Variants in FAM135B observed in about 807,000 individuals in gnomAD.
The protein encoded by FAM135B is family with sequence similarity 135 member B.
Under a neutral mutation model 127.7 loss-of-function variants are expected in FAM135B, and 43 were observed. That is an observed-to-expected ratio of 0.34 (90% CI 0.26 to 0.43). The LOEUF (loss-of-function observed/expected upper bound fraction) is 0.43. Among genes scored for constraint, FAM135B ranks in the 20% least tolerant of loss-of-function variants. FAM135B has a pLI of 1.00. For missense variants in FAM135B, 1,558 were observed against 1,725.6 expected (o/e 0.90, Z 1.72); for synonymous variants, 670 against 665.1 (o/e 1.01, Z -0.11).
chr8:138,333,537 G>A (rs1000551872), intron 2 of FAM135B, among the ~76,000 whole-genome samples: 7 of 151,992 alleles, frequency 4.6e-5, no homozygotes, highest in East Asian at 1.9e-4. Context: ...TCTAAGGGCC[G>A]GGGGCTCCCC....
intron 1 of FAM135B, among the ~76,000 whole-genome samples, chr8:138,478,860 T>C (rs940181862): frequency 6.6e-6 from 1 of 152,204 alleles, no homozygotes; most frequent in African/African-American, 2.4e-5. Context: ...TTTTGCACAC[T>C]GAGCAATTCT....
Position 138,337,937 on chromosome 8 carries a change from C to G in FAM135B, c.78-27017G>C, listed in dbSNP as rs536473628. On this transcript the variant is annotated intron_variant, in intron 2 of 19. Coordinates refer to ENST00000395297, the MANE Select transcript of FAM135B (RefSeq NM_015912.4). ...TATAGACCAATGGAACAGAAGAGAGCCCTCAGAAATAATGCCGCATATCTA... is the reference window on the plus strand; with the variant it reads ...TATAGACCAATGGAACAGAAGAGAGGCCTCAGAAATAATGCCGCATATCTA... Among the ~76,000 whole-genome samples, 13 of 151,820 alleles carry G rather than the reference C, an allele frequency of 8.6e-5. No individual in the cohort carries two copies. The South Asian group carries it at 2.7e-3, about 32-fold the overall frequency.
At chr8:138,425,340 C>T (rs1011521616) in intron 1 of FAM135B, 2 of 152,318 alleles carry the variant, frequency 1.3e-5, no homozygotes, top group African/African-American at 4.8e-5. Flanking sequence ...AGGACCAGAT[C>T]TCAAAGAGCA....
intron 12 of FAM135B, among the ~76,000 whole-genome samples, chr8:138,153,697 G>A (rs1433323461): frequency 6.6e-6 from 1 of 152,200 alleles, no homozygotes; most frequent in East Asian, 1.9e-4. Context: ...TGCTAGCACA[G>A]CAGTCTGAGA....
chr8:138,402,996 A>G (rs1258931278), intron 1 of FAM135B, among the ~76,000 whole-genome samples: 2 of 152,160 alleles, frequency 1.3e-5, no homozygotes, highest in Admixed American at 1.3e-4. Flanking sequence ...CAGCAAAAAG[A>G]CGGCCATCTG....
At chr8:138,248,060 T>C (rs1235425915) in intron 6 of FAM135B, among the ~76,000 whole-genome samples, 3 of 152,176 alleles carry the variant, frequency 2.0e-5, no homozygotes, top group Non-Finnish European at 2.9e-5. Flanking sequence ...GGGCTTGGAA[T>C]ATGGGAGGTG....
In FAM135B at chr8:138,130,031, A is replaced by C. The variant is rs909302708; in HGVS notation, c.*2562T>G. ...TAAACAACAAATTCCAATTAATCTCAATATTGGGCATTTTTATTTCTAACT... is the reference window on the plus strand; with the variant it reads ...TAAACAACAAATTCCAATTAATCTCCATATTGGGCATTTTTATTTCTAACT... On this transcript the variant is annotated 3_prime_UTR_variant, in exon 20 of 20. Coordinates refer to ENST00000395297, the MANE Select transcript of FAM135B (RefSeq NM_015912.4). 1.3e-5 allele frequency: 2 copies of C among 152,082 alleles called. No homozygotes were observed. Among genetic ancestry groups the C allele is most frequent in the Admixed American group, 6.6e-5 (1 of 15,262 alleles). 9.4% of individuals were successfully genotyped at this position (152,082 alleles called of 1,614,324 possible).
intron 1 of FAM135B, among the ~76,000 whole-genome samples, chr8:138,388,513 G>T (rs1832351760): frequency 1.3e-5 from 2 of 152,120 alleles, no homozygotes; most frequent in South Asian, 4.1e-4. Context: ...GTGGGAGAAT[G>T]AATAAATAAA....
intron 1 of FAM135B, among the ~76,000 whole-genome samples, chr8:138,455,974 C>T (rs1484471376): frequency 6.6e-6 from 1 of 152,206 alleles, no homozygotes; most frequent in Non-Finnish European, 1.5e-5. Context: ...TATGACTTTT[C>T]AGAGCCTCAA....
intron 2 of FAM135B, among the ~76,000 whole-genome samples, chr8:138,344,346 C>T (rs963837266): frequency 1.3e-5 from 2 of 152,132 alleles, no homozygotes; most frequent in East Asian, 3.9e-4. Context: ...CATCGTAACC[C>T]GGCGCCAGCT....
chr8:138,455,920 C>T (rs1271531429), intron 1 of FAM135B, among the ~76,000 whole-genome samples: 1 of 152,186 alleles, frequency 6.6e-6, no homozygotes, highest in Non-Finnish European at 1.5e-5. Context: ...AGATCTACAC[C>T]CTCCATATGC....
At chr8:138,224,480 A>G (rs1021401002) in intron 7 of FAM135B, among the ~76,000 whole-genome samples, 2 of 152,316 alleles carry the variant, frequency 1.3e-5, no homozygotes, top group South Asian at 2.1e-4. Flanking sequence ...TCTGTCGCCC[A>G]GGCTGGAATG....
intron 3 of FAM135B, among the ~76,000 whole-genome samples, chr8:138,283,228 C>T (rs1004159610): frequency 2.0e-5 from 3 of 151,984 alleles, no homozygotes; most frequent in Non-Finnish European, 2.9e-5. Flanking sequence ...CAGGAGGTGA[C>T]TGGATAAATA....
At chr8:138,487,970 C>CTCCA (rs1815049058) in intron 1 of FAM135B, among the ~76,000 whole-genome samples, 1 of 151,892 alleles carries the variant, frequency 6.6e-6, no homozygotes, top group African/African-American at 2.4e-5. Context: ...CACCACTGCA[C>CTCCA]TCCAGCCTTG....
In FAM135B at chr8:138,426,006, TATATATACAC is replaced by T. The variant is rs1563992413; in HGVS notation, c.-19-58014_-19-58005del. 6.6e-3 allele frequency among the ~76,000 whole-genome samples: 120 copies of T among 18,164 alleles called. 2 individuals carry two copies. The highest frequency in any genetic ancestry group is 0.054 in the African/African-American group (113 of 2,106). 11.9% of individuals were successfully genotyped at this position (18,164 alleles called of 152,430 possible). A position where few individuals can be genotyped will look rare whatever the true frequency, so the allele number is the denominator to read the frequency against. ...ATATATATATATATATATATATATA[TATATATACAC>T]ACACATACATATACACACACACACA... On this transcript the variant is annotated intron_variant, in intron 1 of 19. Coordinates refer to ENST00000395297, the MANE Select transcript of FAM135B (RefSeq NM_015912.4).
intron 2 of FAM135B, among the ~76,000 whole-genome samples, chr8:138,338,700 G>C (rs1024531394): frequency 1.3e-5 from 2 of 151,972 alleles, no homozygotes; most frequent in Non-Finnish European, 2.9e-5. Context: ...AAGTCAGTGT[G>C]GCGATTCCTC....
chr8:138,415,739 T>C (rs927755575), intron 1 of FAM135B, among the ~76,000 whole-genome samples: 1 of 152,144 alleles, frequency 6.6e-6, no homozygotes, highest in African/African-American at 2.4e-5. Flanking sequence ...CAAGACAATA[T>C]GGCCCCAAGG....
intron 7 of FAM135B, among the ~76,000 whole-genome samples, chr8:138,198,750 G>A (rs111981718): frequency 0.027 from 4,165 of 152,308 alleles, 121 homozygotes; most frequent in East Asian, 0.14. Context: ...ACCTAGGCAT[G>A]ATGAAAAGGA....
At chr8:138,239,446 C>T (rs1008750197) in intron 7 of FAM135B, among the ~76,000 whole-genome samples, 2 of 152,232 alleles carry the variant, frequency 1.3e-5, no homozygotes, top group African/African-American at 4.8e-5. Flanking sequence ...TTTGTAGATT[C>T]TGGATTTTAG....
Sources: allele counts gnomAD v4.1 joint callset (sites outside exome capture counted in the v4.1 genomes callset), GRCh38; gene constraint gnomAD v4.1.1; transcripts MANE v1.5; gene names NCBI Gene and HGNC (gene_info 2026-07-23, HGNC 2026-07-21).